The following NOVA1 variants were observed in gnomAD, a reference collection of about 807,000 sequenced individuals.
The protein encoded by NOVA1 is NOVA alternative splicing regulator 1.
Under a neutral mutation model 38.0 loss-of-function variants are expected in NOVA1, and 7 were observed. The ratio of observed to expected loss-of-function variants is 0.18; its 90% CI spans 0.10 to 0.35. The LOEUF (loss-of-function observed/expected upper bound fraction) is 0.35, where lower values mean the gene tolerates loss of function less well. Among genes scored for constraint, NOVA1 ranks in the 10% least tolerant of loss-of-function variants. The pLI is 1.00. For synonymous variants in NOVA1, 270 were observed against 232.5 expected (o/e 1.16, Z -1.47); for missense variants, 460 against 616.0 (o/e 0.75, Z 2.68).
chr14:26,553,361 G>C (rs967118129), intron 2 of NOVA1, among the ~76,000 whole-genome samples: 4 of 152,186 alleles, frequency 2.6e-5, no homozygotes, highest in African/African-American at 9.6e-5. Context: ...TCCCCATCAT[G>C]AGGCAATCAT....
At chr14:26,509,269 G>T (rs182815894) in intron 2 of NOVA1, among the ~76,000 whole-genome samples, 4 of 152,246 alleles carry the variant, frequency 2.6e-5, no homozygotes, top group African/African-American at 7.2e-5. Flanking sequence ...TTTTAAACCA[G>T]AGTATGGAAT....
intron 4 of NOVA1, among the ~76,000 whole-genome samples, chr14:26,450,164 G>A (rs1402792255): frequency 6.6e-6 from 1 of 152,054 alleles, no homozygotes; most frequent in East Asian, 1.9e-4. Context: ...AATTTGAGCA[G>A]GACATTTAGT....
intron 2 of NOVA1, among the ~76,000 whole-genome samples, chr14:26,552,215 T>C (rs1891204354): frequency 6.6e-6 from 1 of 152,068 alleles, no homozygotes; most frequent in Non-Finnish European, 1.5e-5. Flanking sequence ...AAGCATAGTT[T>C]AGCATTCAGA....
chr14:26,592,288 A>G (rs1244368948), intron 2 of NOVA1, among the ~76,000 whole-genome samples: 1 of 151,556 alleles, frequency 6.6e-6, no homozygotes, highest in African/African-American at 2.4e-5. Flanking sequence ...AAGGCATACA[A>G]TAATATATTC....
intron 4 of NOVA1, chr14:26,470,531 T>TATA (rs770265372): frequency 7.8e-7 from 1 of 1,283,568 alleles, no homozygotes; most frequent in Non-Finnish European, 1.1e-6. Flanking sequence ...TAAGTAACAA[T>TATA]ATAACAGAGT....
rs112294594 is a variant in NOVA1 at position 26,469,786 on chromosome 14, G to C, written c.519+2534C>G. Among the ~76,000 whole-genome samples the C allele has an allele frequency of 6.6e-5, 10 of 152,116 alleles. No individual in the cohort carries two copies. In the East Asian group the frequency reaches 1.9e-3, roughly 29 times the overall value. On this transcript the variant is annotated intron_variant, in intron 4 of 4. Coordinates refer to ENST00000539517, the MANE Select transcript of NOVA1 (RefSeq NM_002515.3). Reference sequence around the variant, plus strand: ...AAAATGTATACATTTTTAGAGACAGGGTCTTGGCTATGTTATGTTGCCCAG... The same window carrying C: ...AAAATGTATACATTTTTAGAGACAGCGTCTTGGCTATGTTATGTTGCCCAG...
intron 2 of NOVA1, among the ~76,000 whole-genome samples, chr14:26,491,619 T>A (rs946563012): frequency 6.6e-6 from 1 of 152,186 alleles, no homozygotes; most frequent in Non-Finnish European, 1.5e-5. Flanking sequence ...TTAATTTTGA[T>A]ATTTTAATAT....
chr14:26,456,071 C>G (rs570801356), intron 4 of NOVA1, among the ~76,000 whole-genome samples: 132 of 151,878 alleles, frequency 8.7e-4, no homozygotes, highest in Non-Finnish European at 1.7e-3. Context: ...TCTTTCAGGG[C>G]ACATATAGTA....
At chr14:26,524,141 C>A (rs943215846) in intron 2 of NOVA1, among the ~76,000 whole-genome samples, 1 of 152,094 alleles carries the variant, frequency 6.6e-6, no homozygotes, top group Non-Finnish European at 1.5e-5. Context: ...AATTCACCAA[C>A]CCCTGTGTTT....
chr14:26,543,582 A>G, intron 2 of NOVA1, among the ~76,000 whole-genome samples: 1 of 152,038 alleles, frequency 6.6e-6, no homozygotes. Context: ...TGGACATTGA[A>G]GACTGGGTAG....
At chr14:26,536,224 G>A (rs1443489595) in intron 2 of NOVA1, among the ~76,000 whole-genome samples, 10 of 151,650 alleles carry the variant, frequency 6.6e-5, no homozygotes, top group Admixed American at 2.0e-4. Context: ...GGTGGTGGGC[G>A]GTTGGGGAGA....
rs1274130512 is a variant in NOVA1, at chr14:26,597,698, C to T, written c.-262G>A. 7.9e-6 allele frequency: 9 copies of T among 1,138,924 alleles called. No individual in the cohort carries two copies. The African/African-American group carries it at 1.5e-4, about 19-fold the overall frequency. The allele number at this position is 1,138,924 out of a possible 1,614,324, so 70.6% of individuals were successfully genotyped here. ...AGGGGAATGGAGGGGGTGTGAGAGA[C>T]GGAGGGTGAAAGAAGAAGAAGAAAG... On this transcript the variant is annotated 5_prime_UTR_variant, in exon 1 of 5. Coordinates refer to ENST00000539517, the MANE Select transcript of NOVA1 (RefSeq NM_002515.3).
intron 2 of NOVA1, among the ~76,000 whole-genome samples, chr14:26,526,451 TC>T (rs1485327510): frequency 1.3e-5 from 2 of 152,176 alleles, no homozygotes; most frequent in Non-Finnish European, 2.9e-5. Context: ...GGCACTATTT[TC>T]TTTTTAGATG....
At chr14:26,567,399 G>A (rs549669070) in intron 2 of NOVA1, among the ~76,000 whole-genome samples, 2 of 145,586 alleles carry the variant, frequency 1.4e-5, no homozygotes, top group East Asian at 2.1e-4. Flanking sequence ...GGGCTCAAAC[G>A]ATTCCCCTAC....
At chr14:26,555,544 C>T (rs1320930171) in intron 2 of NOVA1, among the ~76,000 whole-genome samples, 1 of 152,070 alleles carries the variant, frequency 6.6e-6, no homozygotes, top group East Asian at 1.9e-4. Context: ...TCAAAAATTA[C>T]AAAACTAAGT....
At chr14:26,534,383 T>A (rs963314875) in intron 2 of NOVA1, among the ~76,000 whole-genome samples, 1 of 151,944 alleles carries the variant, frequency 6.6e-6, no homozygotes, top group African/African-American at 2.4e-5. Context: ...TAGGAAAAAA[T>A]ACCCGTCTGA....
intron 2 of NOVA1, among the ~76,000 whole-genome samples, chr14:26,484,479 T>C (rs1001835601): frequency 6.6e-6 from 1 of 151,460 alleles, no homozygotes; most frequent in African/African-American, 2.4e-5. Context: ...AATTGTTCTA[T>C]TTTATACATG....
At chr14:26,584,623 CAATCA>C (rs1893412563) in intron 2 of NOVA1, among the ~76,000 whole-genome samples, 2 of 151,272 alleles carry the variant, frequency 1.3e-5, no homozygotes, top group South Asian at 4.1e-4. Context: ...ACTTTTTATC[CAATCA>C]ATACCAAACT....
chr14:26,468,080 G>C (rs868246555), intron 4 of NOVA1, among the ~76,000 whole-genome samples: 3 of 152,130 alleles, frequency 2.0e-5, no homozygotes, highest in Non-Finnish European at 4.4e-5. Context: ...TTGTAGGGTA[G>C]AGGTGGTGAG....
Sources: allele counts gnomAD v4.1 joint callset (sites outside exome capture counted in the v4.1 genomes callset), GRCh38; gene constraint gnomAD v4.1.1; transcripts MANE v1.5; gene names NCBI Gene and HGNC (gene_info 2026-07-23, HGNC 2026-07-21).